NCKAP1L: variants seen among roughly 807,000 people sequenced by gnomAD.
The protein encoded by NCKAP1L is NCK associated protein 1 like.
NCKAP1L carries 53 observed loss-of-function variants against 139.2 expected under a neutral mutation model. The ratio of observed to expected loss-of-function variants is 0.38; its 90% confidence interval spans 0.31 to 0.48. NCKAP1L has a LOEUF of 0.48. NCKAP1L is among the 20% of genes least tolerant of loss of function. NCKAP1L has a pLI of 0.98. For synonymous variants in NCKAP1L, 468 were observed against 499.7 expected (o/e 0.94, Z 0.85); for missense variants, 1,151 against 1,381.9 (o/e 0.83, Z 2.65).
chr12:54,526,676 G>A lies in NCKAP1L; in HGVS notation c.2305G>A (p.Ala769Thr), dbSNP rs991425204. ...GADASRVIRNALLQQTQPLDS... is the reference protein window; with the variant it reads ...GADASRVIRNTLLQQTQPLDS... The stretch of plus-strand genomic sequence containing the variant: ...AGATGCTTCCAGAGTCATCCGCAAC[G>A]CCCTCCTGCAGCAGACACAACCACT... The change falls in exon 21 of 31, where the codon GCC (alanine) becomes ACC (threonine). Residue 769 changes from alanine (A) to threonine (T), a missense_variant. Ala to Thr is a moderately conservative substitution (Grantham distance 58). Transcript: ENST00000293373. 10 of 1,614,034 alleles carry A rather than the reference G, an allele frequency of 6.2e-6. No homozygotes were observed. Among genetic ancestry groups the A allele is most frequent in the South Asian group, 1.1e-5 (1 of 91,074 alleles).
At chr12:54,533,266 T>C (rs1957087476) in intron 26 of NCKAP1L, among the ~76,000 whole-genome samples, 1 of 152,192 alleles carries the variant, frequency 6.6e-6, no homozygotes, top group Non-Finnish European at 1.5e-5. Context: ...CTCCAATCTT[T>C]AGGCTCTGCC....
At position 54,521,747 on chromosome 12, in the gene NCKAP1L, G is replaced by A. The variant is rs149239161; in HGVS notation, c.1878+509G>A. Among the ~76,000 whole-genome samples the A allele has an allele frequency of 2.1e-4, 32 of 152,016 alleles. No individual in the cohort carries two copies. The East Asian group carries it at 2.7e-3, about 13-fold the overall frequency. On this transcript the variant is annotated intron_variant, in intron 18 of 30. Transcript: ENST00000293373. ...TCCCTTGACTGACTCTTAGCACCTC[G>A]TCATAATTAGTTCAACCTAAATTTC...
intron 21 of NCKAP1L, 76 bp from the exon 22 acceptor site, chr12:54,528,171 C>G: frequency 1.3e-6 from 2 of 1,532,786 alleles, no homozygotes; most frequent in Admixed American, 3.9e-5. Flanking sequence ...TTTCTGAGCT[C>G]AGTGGTAGTA....
Position 54,546,179 on chromosome 12 carries a change from C to G in NCKAP1L, c.*3494C>G, listed in dbSNP as rs116444236. The G allele has an allele frequency of 3.9e-5, 6 of 152,054 alleles. No homozygotes were observed. The highest frequency in any genetic ancestry group is 1.5e-4 in the African/African-American group (6 of 41,328). The allele number at this position is 152,054 out of a possible 1,614,324, so 9.4% of individuals were successfully genotyped here. The stretch of plus-strand genomic sequence containing the variant: ...GTTAAGACCAGCCTGGTCAACATGG[C>G]GAACTCCGTCTCTACAAAAAAATAC... On this transcript the variant is annotated 3_prime_UTR_variant, in exon 31 of 31. Transcript: ENST00000293373.
At position 54,523,808 on chromosome 12, in the gene NCKAP1L, C is replaced by A. The variant is rs1348990705; in HGVS notation, c.2025-17C>A. 2 of 1,609,504 alleles carry A rather than the reference C, an allele frequency of 1.2e-6. No homozygotes were observed. Among genetic ancestry groups the A allele is most frequent in the South Asian group, 1.1e-5 (1 of 90,224 alleles). On this transcript the variant is annotated splice_polypyrimidine_tract_variant and intron_variant, in intron 19 of 30. Coordinates refer to ENST00000293373, the MANE Select transcript of NCKAP1L (RefSeq NM_005337.5). ...GGCAGTGCCAGACCTGTAATCCAGG[C>A]TCATTTTCCTTTCTAGCATGGACAA...
At chr12:54,523,365 T>C in intron 18 of NCKAP1L, 29 bp from the exon 19 acceptor site, 1 of 1,593,866 alleles carries the variant, frequency 6.3e-7, no homozygotes. Flanking sequence ...AAATCCCCTT[T>C]CTCCATTTAC....
At position 54,535,214 on chromosome 12, in the gene NCKAP1L, G is replaced by C. The variant is rs768093744; in HGVS notation, c.2956+17G>C. Reference sequence around the variant, plus strand: ...TGAAAGCTGGTAAGATTGGGGAAAGGGGGCGAGATTTGGGAAAGGAGGGCT... The same window carrying C: ...TGAAAGCTGGTAAGATTGGGGAAAGCGGGCGAGATTTGGGAAAGGAGGGCT... On this transcript the variant is annotated intron_variant, in intron 27 of 30. Transcript: ENST00000293373. 1.9e-6 allele frequency: 3 copies of C among 1,604,362 alleles called. No individual in the cohort carries two copies. In the Admixed American group the frequency reaches 5.0e-5, roughly 27 times the overall value.
rs1956980542 is a variant in NCKAP1L at position 54,521,189 on chromosome 12, G to T, written c.1829G>T (p.Ser610Ile). ...SFLEELAKQT[S>I]NCVLEICAEQ... ...CTGGAAGAGTTGGCCAAGCAGACCA[G>T]CAATTGCGTCCTGGAGATCTGTGCT... Residue 610 changes from serine to isoleucine, a missense_variant, in exon 18 of 31, where the codon AGC (serine) becomes ATC (isoleucine). Physicochemically the swap from Ser to Ile is moderately radical, Grantham distance 142. Coordinates refer to ENST00000293373, the MANE Select transcript of NCKAP1L (RefSeq NM_005337.5). 5.0e-6 allele frequency: 8 copies of T among 1,614,132 alleles called. No homozygotes were observed. The highest frequency in any genetic ancestry group is 6.8e-6 in the Non-Finnish European group (8 of 1,180,024).
At chr12:54,520,871 T>A (rs1387840794) in intron 17 of NCKAP1L, 45 bp downstream of exon 17, 1 of 1,612,440 alleles carries the variant, frequency 6.2e-7, no homozygotes, top group South Asian at 1.1e-5. Context: ...CTAGTCATCA[T>A]CCTTATCACC....
intron 3 of NCKAP1L, among the ~76,000 whole-genome samples, chr12:54,501,713 C>T (rs1956799464): frequency 6.6e-6 from 1 of 152,126 alleles, no homozygotes; most frequent in Non-Finnish European, 1.5e-5. Flanking sequence ...CCCATGTTGG[C>T]CAGGGTGGTC....
At position 54,536,121 on chromosome 12, in the gene NCKAP1L, C is replaced by T. The variant is rs779975839; in HGVS notation, c.2957-8C>T. ...ACTTTTCCTCTTTTCCTTTTTCCCT[C>T]TCACCAGATACTTCATCTCCTGAGG... On this transcript the variant is annotated splice_region_variant and splice_polypyrimidine_tract_variant and intron_variant, in intron 27 of 30. Transcript: ENST00000293373. The T allele has an allele frequency of 4.4e-6, 7 of 1,598,884 alleles. No individual in the cohort carries two copies. The highest frequency in any genetic ancestry group is 4.3e-6 in the Non-Finnish European group (5 of 1,166,712).
At chr12:54,526,186 A>G (rs1287530311) in intron 20 of NCKAP1L, among the ~76,000 whole-genome samples, 1 of 152,202 alleles carries the variant, frequency 6.6e-6, no homozygotes, top group East Asian at 1.9e-4. Context: ...GTTAGATGGA[A>G]TTAGAGAGCC....
In NCKAP1L at chr12:54,521,176, G is replaced by A; in HGVS notation, c.1816G>A (p.Ala606Thr). Residue 606 changes from alanine to threonine, a missense_variant, in exon 18 of 31, where the codon GCC (alanine) becomes ACC (threonine). Physicochemically the swap from Ala to Thr is moderately conservative, Grantham distance 58. Coordinates refer to ENST00000293373, the MANE Select transcript of NCKAP1L (RefSeq NM_005337.5). ...HHCNSFLEEL[A>T]KQTSNCVLEI... ...CTGCAACTCCTTCCTGGAAGAGTTG[G>A]CCAAGCAGACCAGCAATTGCGTCCT... The A allele has an allele frequency of 6.2e-7, 1 of 1,614,070 alleles. No individual in the cohort carries two copies. The highest frequency in any genetic ancestry group is 8.5e-7 in the Non-Finnish European group (1 of 1,180,024).
Position 54,509,707 on chromosome 12 carries a change from A to G in NCKAP1L, c.545A>G (p.Glu182Gly), listed in dbSNP as rs756714425. The G allele has an allele frequency of 6.2e-7, 1 of 1,614,158 alleles. No homozygotes were observed. The highest frequency in any genetic ancestry group is 1.7e-5 in the Admixed American group (1 of 60,020). Residue 182 changes from glutamate to glycine, a missense_variant, in exon 6 of 31, where the codon GAG becomes GGG. Coordinates refer to ENST00000293373, the MANE Select transcript of NCKAP1L (RefSeq NM_005337.5). ...SFARLGQMVL[E>G]YDHPLKKLTE... is the part of the protein sequence containing the mutation. Reference sequence around the variant, plus strand: ...GCCCGTCTGGGTCAGATGGTCTTGGAGTATGACCACCCTCTGAAGAAGCTG... The same window carrying G: ...GCCCGTCTGGGTCAGATGGTCTTGGGGTATGACCACCCTCTGAAGAAGCTG...
In NCKAP1L at chr12:54,542,697, T is replaced by A. The variant is rs113426104; in HGVS notation, c.*12T>A. On this transcript the variant is annotated 3_prime_UTR_variant, in exon 31 of 31. Transcript: ENST00000293373. The stretch of plus-strand genomic sequence containing the variant: ...TCCACCTAAACTGAATGCCTGCCAG[T>A]ACCCACTGAAGAGCCCTTTGGACCT... 2.1e-3 allele frequency: 3,251 copies of A among 1,551,374 alleles called. 49 individuals are homozygous for A. The African/African-American group carries it at 0.039, about 18-fold the overall frequency.
At chr12:54,519,768 T>C (rs1956967187) in intron 16 of NCKAP1L, among the ~76,000 whole-genome samples, 1 of 152,208 alleles carries the variant, frequency 6.6e-6, no homozygotes, top group Non-Finnish European at 1.5e-5. Context: ...TGTATTCTCT[T>C]TTGTTCTTTT....
chr12:54,503,872 C>G (rs1410946698), intron 3 of NCKAP1L, among the ~76,000 whole-genome samples: 1 of 152,000 alleles, frequency 6.6e-6, no homozygotes, highest in Non-Finnish European at 1.5e-5. Context: ...AACTCCTGAC[C>G]TCAAATGATC....
intron 30 of NCKAP1L, among the ~76,000 whole-genome samples, chr12:54,539,916 C>T (rs1957143918): frequency 6.6e-6 from 1 of 152,176 alleles, no homozygotes; most frequent in Non-Finnish European, 1.5e-5. Context: ...CTCTAGTGCC[C>T]AAGGGACGTG....
Position 54,536,198 on chromosome 12 carries a change from C to T in NCKAP1L, c.3026C>T (p.Pro1009Leu), listed in dbSNP as rs1253565806. 3 of 1,613,254 alleles carry T rather than the reference C, an allele frequency of 1.9e-6. No individual in the cohort carries two copies. The highest frequency in any genetic ancestry group is 2.2e-5 in the East Asian group (1 of 44,880). The change falls in exon 28 of 31, where the codon CCA (proline) becomes CTA (leucine). Residue 1009 changes from proline to leucine, a missense_variant. By Grantham distance (98) the Pro-to-Leu change is moderately conservative. Transcript: ENST00000293373. ...LLLIFLAVSL[P>L]LLATDPSSFY... is the part of the protein sequence containing the mutation. ...TTGATCTTTCTGGCAGTTTCCCTCC[C>T]ACTCCTTGCCACTGACCCTTCTTCC...
Sources: gnomAD v4.1 joint callset for allele counts (sites outside exome capture counted in the v4.1 genomes callset) on GRCh38, gnomAD v4.1.1 for gene constraint, MANE v1.5 for transcripts, NCBI Gene and HGNC (gene_info 2026-07-23, HGNC 2026-07-21) for gene names.